Variants in CERS3 observed in about 807,000 individuals in gnomAD.
The protein encoded by CERS3 is ceramide synthase 3.
In CERS3, 33 loss-of-function variants were observed where a neutral mutation model predicts 50.3. The ratio of observed to expected loss-of-function variants is 0.66; its 90% CI spans 0.50 to 0.88. The LOEUF (loss-of-function observed/expected upper bound fraction) is 0.88, where lower values mean the gene tolerates loss of function less well. CERS3 is among the 40% of genes least tolerant of loss of function. CERS3 has a pLI of 0.00. For missense variants in CERS3, 470 were observed against 460.3 expected (o/e 1.02, Z -0.19); for synonymous variants, 176 against 155.2 (o/e 1.13, Z -0.99).
At chr15:100,531,660 A>G (rs2036942168), upstream of CERS3, among the ~76,000 whole-genome samples, 1 of 152,188 alleles carries the variant, frequency 6.6e-6, no homozygotes, top group South Asian at 2.1e-4. Context: ...GCTAAGAGAA[A>G]AGATAGAACC....
chr15:100,434,683 A>G (rs2033307303), intron 11 of CERS3, among the ~76,000 whole-genome samples: 1 of 152,112 alleles, frequency 6.6e-6, no homozygotes, highest in South Asian at 2.1e-4. Flanking sequence ...ACCTGTTTTT[A>G]CCAAGCTCTC....
At chr15:100,450,317 T>C (rs1037979578) in intron 11 of CERS3, among the ~76,000 whole-genome samples, 1 of 143,718 alleles carries the variant, frequency 7.0e-6, no homozygotes, top group Admixed American at 7.0e-5. Flanking sequence ...ACTCAGGAGG[T>C]TGAGGCAGGG....
intron 11 of CERS3, among the ~76,000 whole-genome samples, chr15:100,423,469 C>T (rs1229404039): frequency 6.6e-6 from 1 of 152,238 alleles, no homozygotes; most frequent in Middle Eastern, 3.4e-3. Context: ...TCCTTTGGAA[C>T]AACATGGATG....
intron 11 of CERS3, among the ~76,000 whole-genome samples, chr15:100,409,447 TA>T (rs539638709): frequency 1.4e-3 from 143 of 99,658 alleles, no homozygotes; most frequent in Middle Eastern, 5.3e-3. Flanking sequence ...CAAAAGAGCT[TA>T]AAAAAAGTGC....
intron 11 of CERS3, among the ~76,000 whole-genome samples, chr15:100,443,193 A>G (rs1331864029): frequency 6.6e-6 from 1 of 150,702 alleles, no homozygotes; most frequent in Non-Finnish European, 1.5e-5. Flanking sequence ...CAAGTATAAG[A>G]TACCTCTACT....
At chr15:100,461,949 T>C (rs2034563984) in intron 10 of CERS3, among the ~76,000 whole-genome samples, 1 of 152,048 alleles carries the variant, frequency 6.6e-6, no homozygotes, top group African/African-American at 2.4e-5. Context: ...GTCTCTCAAG[T>C]TTCCTCTCCT....
intron 11 of CERS3, among the ~76,000 whole-genome samples, chr15:100,442,055 C>G (rs1198942831): frequency 6.6e-6 from 1 of 152,174 alleles, no homozygotes; most frequent in Non-Finnish European, 1.5e-5. Flanking sequence ...TGTTCCATGA[C>G]TAGCCCTCCC....
intron 10 of CERS3, 142 bp downstream of exon 10, chr15:100,469,236 C>A: frequency 1.6e-6 from 1 of 613,168 alleles, no homozygotes; most frequent in South Asian, 2.3e-5. Flanking sequence ...AAAATGGCTC[C>A]ATCACATTCT....
chr15:100,525,841 C>T (rs1458701362), intron 1 of CERS3, among the ~76,000 whole-genome samples: 1 of 152,176 alleles, frequency 6.6e-6, no homozygotes, highest in Non-Finnish European at 1.5e-5. Context: ...AAAGTAAGTC[C>T]CACTACTTTA....
chr15:100,465,666 T>G (rs953506375), intron 10 of CERS3, among the ~76,000 whole-genome samples: 3 of 152,026 alleles, frequency 2.0e-5, no homozygotes, highest in Admixed American at 2.0e-4. Flanking sequence ...GAACTTTTTT[T>G]TTTTTTTTTG....
chr15:100,466,853 C>CTCTTTCTTTCTT lies in CERS3; in HGVS notation c.845+2513_845+2524dup, dbSNP rs374764051. Reference sequence around the variant, plus strand: ...TCTCCCTCTCTCCCTCTCTCTTTCTCTCTTTCTTTCTTTCTTTCTTGATGG... The same window carrying CTCTTTCTTTCTT: ...TCTCCCTCTCTCCCTCTCTCTTTCTCTCTTTCTTTCTTTCTTTCTTTCTTTCTTTCTTGATGG... On this transcript the variant is annotated intron_variant, in intron 10 of 11. Transcript: ENST00000679737. Among the ~76,000 whole-genome samples the CTCTTTCTTTCTT allele has an allele frequency of 8.2e-4, 86 of 104,692 alleles. 8 individuals carry two copies. Among genetic ancestry groups the CTCTTTCTTTCTT allele is most frequent in the South Asian group, 5.1e-3 (14 of 2,726 alleles). The allele number at this position is 104,692 out of a possible 152,430, so 68.7% of individuals were successfully genotyped here. A position where few individuals can be genotyped will look rare whatever the true frequency, so the allele number is the denominator to read the frequency against.
chr15:100,478,613 T>C (rs1436027625), intron 7 of CERS3, among the ~76,000 whole-genome samples: 1 of 150,128 alleles, frequency 6.7e-6, no homozygotes, highest in Non-Finnish European at 1.5e-5. Context: ...AAGTGACAGC[T>C]ACATTCTTTT....
chr15:100,416,810 A>G (rs2031947811), intron 11 of CERS3, among the ~76,000 whole-genome samples: 1 of 152,162 alleles, frequency 6.6e-6, no homozygotes, highest in East Asian at 1.9e-4. Context: ...GAGTGAAGAC[A>G]CAGAGCCAGG....
chr15:100,434,965 C>A (rs1251026058), intron 11 of CERS3, among the ~76,000 whole-genome samples: 1 of 152,230 alleles, frequency 6.6e-6, no homozygotes, highest in Non-Finnish European at 1.5e-5. Context: ...CCCCCTCCCT[C>A]ACCCTCCTTT....
intron 7 of CERS3, among the ~76,000 whole-genome samples, chr15:100,479,076 A>G (rs938559095): frequency 2.6e-5 from 4 of 152,206 alleles, no homozygotes; most frequent in Non-Finnish European, 4.4e-5. Flanking sequence ...AGCATGTGTA[A>G]CTGAAAAGTC....
intron 11 of CERS3, among the ~76,000 whole-genome samples, chr15:100,408,012 C>T (rs1204999129): frequency 6.6e-6 from 1 of 152,080 alleles, no homozygotes; most frequent in Non-Finnish European, 1.5e-5. Context: ...GCTGGGATTA[C>T]AGGCGGCCAC....
intron 2 of CERS3, among the ~76,000 whole-genome samples, chr15:100,518,340 A>G (rs923028526): frequency 3.9e-5 from 6 of 151,976 alleles, no homozygotes; most frequent in Admixed American, 6.6e-5. Context: ...AGAGAGAGAG[A>G]AGGACAGAGA....
chr15:100,416,290 G>A (rs2031899952), intron 11 of CERS3, among the ~76,000 whole-genome samples: 1 of 152,110 alleles, frequency 6.6e-6, no homozygotes, highest in Non-Finnish European at 1.5e-5. Context: ...AGCAGACACA[G>A]AAACAATGGA....
At chr15:100,507,494 C>G (rs2411826) in intron 2 of CERS3, among the ~76,000 whole-genome samples, 144,733 of 152,342 alleles carry the variant, frequency 0.95, 68,911 homozygotes, top group Middle Eastern at 0.99. Flanking sequence ...ATTCTCATGG[C>G]CTCACCATGG....
Sources: gnomAD v4.1 joint callset for allele counts (sites outside exome capture counted in the v4.1 genomes callset) on GRCh38, gnomAD v4.1.1 for gene constraint, MANE v1.5 for transcripts, NCBI Gene and HGNC (gene_info 2026-07-23, HGNC 2026-07-21) for gene names.